Variants in KCNQ1 observed in about 807,000 individuals in gnomAD.
KCNQ1 encodes potassium voltage-gated channel subfamily KQT member 1.
Under a neutral mutation model 72.4 loss-of-function variants are expected in KCNQ1, and 49 were observed. That is an observed-to-expected ratio of 0.68 (90% CI 0.54 to 0.86). The LOEUF is 0.86. Ranked by LOEUF, KCNQ1 falls within the 40% of genes least tolerant of loss-of-function variation. The pLI is 0.00. For synonymous variants in KCNQ1, 450 were observed against 412.6 expected, an observed-to-expected ratio of 1.09 and a Z score of -1.10; for missense variants, 790 against 945.1, an observed-to-expected ratio of 0.84 and a Z score of 2.15.
chr11:2,446,085 AG>A lies in KCNQ1; in HGVS notation c.386+603del, dbSNP rs1846032590. Among the ~76,000 whole-genome samples, 1 of 152,140 alleles carries A rather than the reference AG, an allele frequency of 6.6e-6. No individual in the cohort carries two copies. On this transcript the variant is annotated intron_variant, in intron 1 of 15. Transcript: ENST00000155840. This position sits in a 1 kb window ranked among gnomAD's most constrained non-coding sequence, Gnocchi z 8.8. ...ACCTGGCTTGATGCAGAGAGCGGAGAGGCACGTTTGCAGCTCTCACTAAGAG... is the reference window on the plus strand; with the variant it reads ...ACCTGGCTTGATGCAGAGAGCGGAGAGCACGTTTGCAGCTCTCACTAAGAG...
rs1005434852 is a variant in KCNQ1 at position 2,809,482 on chromosome 11, T to G, written c.1794+31445T>G. ...CAGGTTTGTGATACTTGTGCACAGC[T>G]TGGGGGCTCTGCTTCCCTCTGTTTG... On this transcript the variant is annotated intron_variant, in intron 15 of 15. Transcript: ENST00000155840. The surrounding 1 kb of genome is among the most constrained non-coding windows in gnomAD (Gnocchi z 7.1). 6.6e-6 allele frequency among the ~76,000 whole-genome samples: 1 copy of G among 152,188 alleles called. No homozygotes were observed. The highest frequency in any genetic ancestry group is 2.4e-5 in the African/African-American group (1 of 41,444).
chr11:2,752,093 T>C lies in KCNQ1; in HGVS notation c.1515-16751T>C, dbSNP rs571110622. Among the ~76,000 whole-genome samples, 19 of 152,382 alleles carry C rather than the reference T, an allele frequency of 1.2e-4. No individual in the cohort carries two copies. In the South Asian group the frequency reaches 3.7e-3, roughly 30 times the overall value. On this transcript the variant is annotated intron_variant, in intron 11 of 15. Coordinates refer to ENST00000155840, the MANE Select transcript of KCNQ1 (RefSeq NM_000218.3). This position sits in a 1 kb window ranked among gnomAD's most constrained non-coding sequence, Gnocchi z 5.2. ...CAGCACTCACCCTGGTCATCCCTGT[T>C]TCCACCACAAGACTGTTTGTAGCCG...
At position 2,748,315 on chromosome 11, in the gene KCNQ1, G is replaced by T. The variant is rs1846170802; in HGVS notation, c.1515-20529G>T. Among the ~76,000 whole-genome samples the T allele has an allele frequency of 6.6e-6, 1 of 152,188 alleles. No individual in the cohort carries two copies. Among genetic ancestry groups the T allele is most frequent in the Non-Finnish European group, 1.5e-5 (1 of 68,024 alleles). On this transcript the variant is annotated intron_variant, in intron 11 of 15. Transcript: ENST00000155840. The surrounding 1 kb of genome is among the most constrained non-coding windows in gnomAD (Gnocchi z 6.2). ...CTAGCTCACCCTGGGTCCACGCAGG[G>T]CCTGCTCCCAGAGTGAATCCCAGAG...
In KCNQ1 at chr11:2,556,176, G is replaced by A. The variant is rs540544283; in HGVS notation, c.478-14452G>A. 1.0e-3 allele frequency among the ~76,000 whole-genome samples: 156 copies of A among 152,308 alleles called. 1 individual carries two copies. Among genetic ancestry groups the A allele is most frequent in the African/African-American group, 3.6e-3 (151 of 41,576 alleles). On this transcript the variant is annotated intron_variant, in intron 2 of 15. Coordinates refer to ENST00000155840, the MANE Select transcript of KCNQ1 (RefSeq NM_000218.3). ...GCCTCCATACAGCGCCCCCCGGCCG[G>A]CAAGTCCATGTCCAGGTTTCCCGTT... is the stretch of plus-strand genomic sequence containing the variant.
rs766788451 is a variant in KCNQ1, at chr11:2,468,578, C to T, written c.386+23094C>T. Among the ~76,000 whole-genome samples, 4 of 152,208 alleles carry T rather than the reference C, an allele frequency of 2.6e-5. No individual in the cohort carries two copies. The highest frequency in any genetic ancestry group is 4.8e-5 in the African/African-American group (2 of 41,440). On this transcript the variant is annotated intron_variant, in intron 1 of 15. Coordinates refer to ENST00000155840, the MANE Select transcript of KCNQ1 (RefSeq NM_000218.3). This position sits in a 1 kb window ranked among gnomAD's most constrained non-coding sequence, Gnocchi z 5.7. Reference sequence around the variant, plus strand: ...GTGGGCACACCCATCACCCTCACAGCGTCCCCCTGTCCCCACGACCAGGCC... The same window carrying T: ...GTGGGCACACCCATCACCCTCACAGTGTCCCCCTGTCCCCACGACCAGGCC...
intron 1 of KCNQ1, among the ~76,000 whole-genome samples, chr11:2,499,190 T>G (rs1465840399): frequency 6.6e-6 from 1 of 152,204 alleles, no homozygotes; most frequent in Non-Finnish European, 1.5e-5. Context: ...AAGTGTAGAA[T>G]TTTTGATTTT....
intron 1 of KCNQ1, among the ~76,000 whole-genome samples, chr11:2,489,985 G>A (rs1846807850): frequency 6.6e-6 from 1 of 152,178 alleles, no homozygotes; most frequent in Admixed American, 6.5e-5. Flanking sequence ...CTGATTCCAG[G>A]CCTTGGCTCT....
Position 2,698,952 on chromosome 11 carries a change from T to C in KCNQ1, c.1514+36871T>C. On this transcript the variant is annotated intron_variant, in intron 11 of 15. Coordinates refer to ENST00000155840, the MANE Select transcript of KCNQ1 (RefSeq NM_000218.3). This position sits in a 1 kb window ranked among gnomAD's most constrained non-coding sequence, Gnocchi z 5.1. ...ACCCGAATTCTGATCCCAACTAGGA[T>C]ACCTAACTCAGAACCACAACGGGGA... The C allele has an allele frequency of 2.5e-6, 1 of 398,532 alleles. No individual in the cohort carries two copies. Among genetic ancestry groups the C allele is most frequent in the Non-Finnish European group, 4.4e-6 (1 of 226,072 alleles). 24.7% of individuals were successfully genotyped at this position (398,532 alleles called of 1,614,324 possible). A position where few individuals can be genotyped will look rare whatever the true frequency, so the allele number is the denominator to read the frequency against.
intron 15 of KCNQ1, among the ~76,000 whole-genome samples, chr11:2,802,714 G>C (rs910920969): frequency 1.3e-5 from 2 of 152,186 alleles, no homozygotes; most frequent in Non-Finnish European, 2.9e-5. Context: ...GCTGGGTCCA[G>C]GAAGGAGGCG....
chr11:2,796,181 C>T (rs1847125231), intron 15 of KCNQ1, among the ~76,000 whole-genome samples: 2 of 152,194 alleles, frequency 1.3e-5, no homozygotes, highest in East Asian at 1.9e-4. Flanking sequence ...CCAAAATACA[C>T]AGGGACTATT....
At chr11:2,807,560 G>A (rs1009859030) in intron 15 of KCNQ1, among the ~76,000 whole-genome samples, 12 of 152,152 alleles carry the variant, frequency 7.9e-5, no homozygotes, top group Admixed American at 2.0e-4. Flanking sequence ...GAACACTCCC[G>A]GGCCGGGCCC....
chr11:2,475,012 G>T lies in KCNQ1; in HGVS notation c.386+29528G>T, dbSNP rs139895941. The stretch of plus-strand genomic sequence containing the variant: ...TTGTTTGTGTTGTGATAAAATACAC[G>T]TAACGTAAAATTGACCTTTTTAACC... On this transcript the variant is annotated intron_variant, in intron 1 of 15. Transcript: ENST00000155840. The surrounding 1 kb of genome is among the most constrained non-coding windows in gnomAD (Gnocchi z 5.8). Among the ~76,000 whole-genome samples the T allele has an allele frequency of 2.0e-3, 303 of 152,312 alleles. No individual in the cohort carries two copies. The highest frequency in any genetic ancestry group is 6.8e-3 in the Middle Eastern group (2 of 294).
rs397508067 is a variant in KCNQ1 at position 2,583,519 on chromosome 11, GC to G, written c.1008del (p.Ile337SerfsTer17). 5 of 1,613,892 alleles carry G rather than the reference GC, an allele frequency of 3.1e-6. No individual in the cohort carries two copies. The highest frequency in any genetic ancestry group is 4.2e-6 in the Non-Finnish European group (5 of 1,179,806). ...KTIASCFSVF[A>X]ISFFALPAGI... is the part of the protein sequence containing the mutation. ...CATCGCCTCCTGCTTCTCTGTCTTT[GC>G]CATCTCCTTCTTTGCGCTCCCAGCG... On this transcript the variant is annotated frameshift_variant, in exon 7 of 16. Coordinates refer to ENST00000155840, the MANE Select transcript of KCNQ1 (RefSeq NM_000218.3). LOFTEE classifies it high-confidence loss of function.
At chr11:2,733,123 G>A (rs764906993) in intron 11 of KCNQ1, among the ~76,000 whole-genome samples, 3 of 152,044 alleles carry the variant, frequency 2.0e-5, no homozygotes, top group East Asian at 1.9e-4. Flanking sequence ...AGCCTTGCAC[G>A]TCTCCAGTGT....
rs377469557 is a variant in KCNQ1, at chr11:2,748,458, C to T, written c.1515-20386C>T. Among the ~76,000 whole-genome samples the T allele has an allele frequency of 5.3e-5, 8 of 152,234 alleles. No individual in the cohort carries two copies. The South Asian group carries it at 8.3e-4, about 16-fold the overall frequency. On this transcript the variant is annotated intron_variant, in intron 11 of 15. Coordinates refer to ENST00000155840, the MANE Select transcript of KCNQ1 (RefSeq NM_000218.3). The surrounding 1 kb of genome is among the most constrained non-coding windows in gnomAD (Gnocchi z 6.2). ...CCCTGGGTACCTCCCCAGGCAGGGC[C>T]CTCAGCACCTGATGCCAAACCAGGC...
intron 15 of KCNQ1, among the ~76,000 whole-genome samples, chr11:2,834,173 A>G (rs1394582691): frequency 6.7e-6 from 1 of 149,984 alleles, no homozygotes; most frequent in Non-Finnish European, 1.5e-5. Flanking sequence ...GGTGTGGCAC[A>G]TGGTGTGGCA....
chr11:2,733,844 T>TCA (rs1564875376), intron 11 of KCNQ1, among the ~76,000 whole-genome samples: 1 of 24,866 alleles, frequency 4.0e-5, no homozygotes, highest in African/African-American at 3.1e-4. Flanking sequence ...TCTCTCTCTC[T>TCA]CTCTCTCTCT....
intron 11 of KCNQ1, among the ~76,000 whole-genome samples, chr11:2,753,020 G>A (rs2237880): frequency 1.3e-5 from 2 of 152,124 alleles, no homozygotes; most frequent in Admixed American, 6.5e-5. Flanking sequence ...TCACAAAGAC[G>A]TAAGAACCAC....
Position 2,549,795 on chromosome 11 carries a change from C to T in KCNQ1, c.478-20833C>T, listed in dbSNP as rs970683239. On this transcript the variant is annotated intron_variant, in intron 2 of 15. Transcript: ENST00000155840. This position sits in a 1 kb window ranked among gnomAD's most constrained non-coding sequence, Gnocchi z 6.2. ...CCCCCAGTCATGAGTACCCCAGGCCCCTATGCGCCTCCTTCCCCATGACTG... is the reference window on the plus strand; with the variant it reads ...CCCCCAGTCATGAGTACCCCAGGCCTCTATGCGCCTCCTTCCCCATGACTG... 1.3e-5 allele frequency among the ~76,000 whole-genome samples: 2 copies of T among 152,238 alleles called. No individual in the cohort carries two copies. Among genetic ancestry groups the T allele is most frequent in the South Asian group, 2.1e-4 (1 of 4,826 alleles).
Sources: gnomAD v4.1 joint callset for allele counts (sites outside exome capture counted in the v4.1 genomes callset) on GRCh38, gnomAD v4.1.1 for gene constraint, Gnocchi (gnomAD v3.1) non-coding constraint, MANE v1.5 for transcripts, NCBI Gene and HGNC (gene_info 2026-07-23, HGNC 2026-07-21) for gene names.